Variants in DNAH6 observed in about 807,000 individuals in gnomAD.
DNAH6 encodes axonemal beta dynein heavy chain 6.
Under a neutral mutation model 491.4 loss-of-function variants are expected in DNAH6, and 340 were observed. The observed-to-expected ratio is 0.69, with a 90% confidence interval of 0.63 to 0.76. DNAH6 has a LOEUF of 0.76. Among genes scored for constraint, DNAH6 ranks in the 30% least tolerant of loss-of-function variants. The pLI, the probability that DNAH6 is intolerant of heterozygous loss-of-function variation, is 0.00. For missense variants in DNAH6, 4,443 were observed against 4,972.2 expected, an observed-to-expected ratio of 0.89 and a Z score of 3.20; for synonymous variants, 1,603 against 1,686.1, an observed-to-expected ratio of 0.95 and a Z score of 1.21.
At chr2:84,572,652 T>C (rs1238828214) in intron 11 of DNAH6, among the ~76,000 whole-genome samples, 1 of 152,218 alleles carries the variant, frequency 6.6e-6, no homozygotes, top group Non-Finnish European at 1.5e-5. Flanking sequence ...CCACAAGGCA[T>C]AACTGAGTCA....
intron 4 of DNAH6, among the ~76,000 whole-genome samples, chr2:84,530,892 A>G (rs952887190): frequency 6.6e-6 from 1 of 152,112 alleles, no homozygotes; most frequent in African/African-American, 2.4e-5. Flanking sequence ...AAAATCTGAG[A>G]CAGTTCTCAG....
At chr2:84,565,958 A>G (rs1015948628) in intron 11 of DNAH6, among the ~76,000 whole-genome samples, 5 of 151,594 alleles carry the variant, frequency 3.3e-5, no homozygotes, top group Non-Finnish European at 7.4e-5. Context: ...GTCCTTTTTC[A>G]TCTCTTTATT....
chr2:84,762,893 G>T lies in DNAH6; in HGVS notation c.10651G>T (p.Asp3551Tyr). 6.4e-7 allele frequency: 1 copy of T among 1,551,642 alleles called. No homozygotes were observed. Among genetic ancestry groups the T allele is most frequent in the Non-Finnish European group, 8.7e-7 (1 of 1,146,878 alleles). Reference sequence around the variant, plus strand: ...GGTATTCATCCTAAGCACAGGCTCAGATCCCATGGGTGCATTTCAGAGGTT... The same window carrying T: ...GGTATTCATCCTAAGCACAGGCTCATATCCCATGGGTGCATTTCAGAGGTT... ...PLVFILSTGSDPMGAFQRFAR... is the reference protein window; with the variant it reads ...PLVFILSTGSYPMGAFQRFAR... The change falls in exon 64 of 77, where the codon GAT becomes TAT. Residue 3551 changes from aspartate to tyrosine, a missense_variant. By Grantham distance (160) the Asp-to-Tyr change is radical. Coordinates refer to ENST00000389394, the MANE Select transcript of DNAH6 (RefSeq NM_001370.2).
At chr2:84,527,731 A>C (rs990847669) in intron 3 of DNAH6, among the ~76,000 whole-genome samples, 5 of 152,156 alleles carry the variant, frequency 3.3e-5, no homozygotes, top group African/African-American at 1.2e-4. Context: ...TGAACTTGCT[A>C]GGTGTTGTCA....
chr2:84,484,547 T>C, the DNAH6 span, among the ~76,000 whole-genome samples: 4 of 152,222 alleles, frequency 2.6e-5, no homozygotes. Context: ...TTCTGGCTTC[T>C]AGAGGCTGCC....
chr2:84,490,066 A>G, the DNAH6 span, among the ~76,000 whole-genome samples: 1 of 152,176 alleles, frequency 6.6e-6, no homozygotes, highest in Non-Finnish European at 1.5e-5. Flanking sequence ...ATCCCAGAAC[A>G]AAGCATTTTT....
intron 4 of DNAH6, among the ~76,000 whole-genome samples, chr2:84,532,710 T>C (rs1677294067): frequency 3.9e-5 from 6 of 152,144 alleles, no homozygotes; most frequent in Admixed American, 3.9e-4. Context: ...ATAATGCTTC[T>C]CAGTATAGAA....
chr2:84,617,984 A>G (rs1687040031), intron 23 of DNAH6, among the ~76,000 whole-genome samples: 1 of 152,098 alleles, frequency 6.6e-6, no homozygotes, highest in Non-Finnish European at 1.5e-5. Flanking sequence ...TCTCCCCATG[A>G]GTCAGCCCCA....
chr2:84,626,644 A>G (rs1341477365), intron 29 of DNAH6, among the ~76,000 whole-genome samples: 10 of 152,084 alleles, frequency 6.6e-5, no homozygotes, highest in East Asian at 1.9e-4. Context: ...GTCTCGCTCT[A>G]TTGCCCAGGA....
Position 84,670,504 on chromosome 2 carries a change from C to G in DNAH6, c.6454+29C>G, listed in dbSNP as rs764448847. On this transcript the variant is annotated intron_variant, in intron 39 of 76. Coordinates refer to ENST00000389394, the MANE Select transcript of DNAH6 (RefSeq NM_001370.2). The stretch of plus-strand genomic sequence containing the variant: ...AGAATCATTATTTTAGTTTGTCCCA[C>G]ACAAATTATTCATTAAGCTAATAAA... 3 of 1,390,104 alleles carry G rather than the reference C, an allele frequency of 2.2e-6. No homozygotes were observed. The South Asian group carries it at 4.0e-5, about 19-fold the overall frequency. 86.1% of individuals were successfully genotyped at this position (1,390,104 alleles called of 1,614,324 possible).
chr2:84,520,867 G>T (rs940285358), intron 2 of DNAH6, among the ~76,000 whole-genome samples: 2 of 151,982 alleles, frequency 1.3e-5, no homozygotes, highest in African/African-American at 4.8e-5. Flanking sequence ...GTGCTGCAAT[G>T]AACATACACA....
chr2:84,600,833 A>C (rs1443382452), intron 18 of DNAH6, among the ~76,000 whole-genome samples: 2 of 151,732 alleles, frequency 1.3e-5, no homozygotes, highest in African/African-American at 4.8e-5. Context: ...GTTACTACGC[A>C]CAGCCATACT....
chr2:84,637,992 G>A (rs192100942), intron 31 of DNAH6, among the ~76,000 whole-genome samples: 1 of 152,210 alleles, frequency 6.6e-6, no homozygotes, highest in Non-Finnish European at 1.5e-5. Context: ...CACTTTGGGA[G>A]ACCAAAGTGG....
intron 40 of DNAH6, among the ~76,000 whole-genome samples, chr2:84,673,679 G>A (rs1319532033): frequency 6.6e-6 from 1 of 152,236 alleles, no homozygotes; most frequent in Non-Finnish European, 1.5e-5. Context: ...ATGTTCAAGG[G>A]CAGGAAGCAT....
rs760148657 is a variant in DNAH6, at chr2:84,577,343, T to A, written c.2011T>A (p.Leu671Met). ...VALRPTRNVG[L>M]LLIDTRLLRE... ...GCTCAGACCCACCAGAAATGTAGGA[T>A]TGCTGCTCATTGATACTAGGCTTCT... The change falls in exon 13 of 77, where the codon TTG (leucine) becomes ATG (methionine). Residue 671 changes from leucine (L) to methionine (M), a missense_variant. Leu to Met is a conservative substitution (Grantham distance 15, BLOSUM62 2). Coordinates refer to ENST00000389394, the MANE Select transcript of DNAH6 (RefSeq NM_001370.2). 1 of 1,612,418 alleles carries A rather than the reference T, an allele frequency of 6.2e-7. No homozygotes were observed. Among genetic ancestry groups the A allele is most frequent in the South Asian group, 1.1e-5 (1 of 90,700 alleles).
At chr2:84,677,943 G>A (rs1280644915) in intron 41 of DNAH6, among the ~76,000 whole-genome samples, 2 of 152,168 alleles carry the variant, frequency 1.3e-5, no homozygotes, top group Non-Finnish European at 2.9e-5. Flanking sequence ...CAGTTCAGGT[G>A]ACTGGCCTGG....
At chr2:84,471,933 A>G in the DNAH6 span, among the ~76,000 whole-genome samples, 1 of 152,108 alleles carries the variant, frequency 6.6e-6, no homozygotes, top group African/African-American at 2.4e-5. Flanking sequence ...ATAGATCTTC[A>G]GATGTTTGGT....
At chr2:84,470,497 G>A in the DNAH6 span, among the ~76,000 whole-genome samples, 1 of 152,146 alleles carries the variant, frequency 6.6e-6, no homozygotes, top group Non-Finnish European at 1.5e-5. Flanking sequence ...GACCATGTGG[G>A]GTAATGTCCT....
chr2:84,552,719 G>A (rs533671158), intron 9 of DNAH6, among the ~76,000 whole-genome samples, 199 bp from the exon 10 acceptor site: 1 of 151,976 alleles, frequency 6.6e-6, no homozygotes, highest in African/African-American at 2.4e-5. Context: ...AGGAGAGAAG[G>A]TTTACATTGT....
Sources: gnomAD v4.1 joint callset for allele counts (sites outside exome capture counted in the v4.1 genomes callset) on GRCh38, gnomAD v4.1.1 for gene constraint, MANE v1.5 for transcripts, NCBI Gene and HGNC (gene_info 2026-07-23, HGNC 2026-07-21) for gene names.